The following SEMA6A variants were observed in gnomAD, a reference collection of about 807,000 sequenced individuals.
The protein encoded by SEMA6A is semaphorin 6A, also known as semaphorin-6A.
Under a neutral mutation model 96.8 loss-of-function variants are expected in SEMA6A, and 25 were observed. The observed-to-expected ratio is 0.26, with a 90% CI of 0.19 to 0.36. The LOEUF (loss-of-function observed/expected upper bound fraction) is 0.36. SEMA6A is among the 10% of genes least tolerant of loss of function. The probability of loss-of-function intolerance (pLI) is 1.00; values close to 1 mark genes in which losing one functional copy is unlikely to be tolerated. For missense variants in SEMA6A, 1,363 were observed against 1,323.1 expected, an observed-to-expected ratio of 1.03 and a Z score of -0.47; for synonymous variants, 612 against 518.0, an observed-to-expected ratio of 1.18 and a Z score of -2.46.
chr5:116,511,515 T>G (rs1421657440), intron 1 of SEMA6A, among the ~76,000 whole-genome samples: 1 of 152,108 alleles, frequency 6.6e-6, no homozygotes, highest in East Asian at 1.9e-4. Context: ...GAAGAAAGGT[T>G]GGAAAGAGAA....
intron 1 of SEMA6A, among the ~76,000 whole-genome samples, chr5:116,551,848 AC>A (rs1328744455): frequency 6.6e-6 from 1 of 152,190 alleles, no homozygotes; most frequent in Non-Finnish European, 1.5e-5. Flanking sequence ...CAATAATCCC[AC>A]TAAAGAATTA....
At chr5:116,458,404 T>C (rs2112614914) in intron 18 of SEMA6A, among the ~76,000 whole-genome samples, 1 of 152,086 alleles carries the variant, frequency 6.6e-6, no homozygotes, top group South Asian at 2.1e-4. Context: ...TGGGAGAGAA[T>C]GGAAAAAGAG....
chr5:116,563,242 C>T (rs1760890521), intron 1 of SEMA6A, among the ~76,000 whole-genome samples: 1 of 152,172 alleles, frequency 6.6e-6, no homozygotes, highest in South Asian at 2.1e-4. Context: ...GAAGGAATGG[C>T]CTCGAATCCA....
At chr5:116,488,814 TC>T in intron 8 of SEMA6A, 73 bp downstream of exon 8, 1 of 1,448,054 alleles carries the variant, frequency 6.9e-7, no homozygotes, top group Non-Finnish European at 9.2e-7. Flanking sequence ...GTCTGGTCCC[TC>T]CAGACTCTAA....
At chr5:116,487,070 T>TAAA in intron 9 of SEMA6A, 104 bp from the exon 10 acceptor site, 1 of 740,506 alleles carries the variant, frequency 1.4e-6, no homozygotes, top group South Asian at 1.8e-5. Context: ...AACAAGGTGC[T>TAAA]TAATACTGTT....
At chr5:116,551,014 C>T (rs537084095) in intron 1 of SEMA6A, among the ~76,000 whole-genome samples, 9 of 152,174 alleles carry the variant, frequency 5.9e-5, no homozygotes, top group Admixed American at 3.3e-4. Flanking sequence ...CGCTGGCATC[C>T]GTTAGCACAT....
intron 7 of SEMA6A, among the ~76,000 whole-genome samples, chr5:116,491,424 A>T (rs1757318091): frequency 6.7e-6 from 1 of 149,920 alleles, no homozygotes; most frequent in African/African-American, 2.5e-5. Context: ...TTTAAATTTA[A>T]TTTTTTTTTT....
chr5:116,473,385 G>A (rs957469016), intron 16 of SEMA6A, among the ~76,000 whole-genome samples: 9 of 152,184 alleles, frequency 5.9e-5, no homozygotes, highest in Admixed American at 3.3e-4. Flanking sequence ...AGGTGACTTC[G>A]AGAGTTTAAA....
intron 10 of SEMA6A, among the ~76,000 whole-genome samples, chr5:116,485,439 C>T (rs1364353317): frequency 6.6e-6 from 1 of 152,126 alleles, no homozygotes; most frequent in Non-Finnish European, 1.5e-5. Context: ...TTTTAAATAT[C>T]GTTTTTATCC....
chr5:116,497,481 C>A, intron 3 of SEMA6A, 94 bp from the exon 4 acceptor site: 1 of 686,616 alleles, frequency 1.5e-6, no homozygotes, highest in Non-Finnish European at 2.5e-6. Flanking sequence ...GGCAGATAAG[C>A]CCATATCCAT....
At chr5:116,553,540 T>TA (rs1479927695) in intron 1 of SEMA6A, among the ~76,000 whole-genome samples, 4 of 152,162 alleles carry the variant, frequency 2.6e-5, no homozygotes, top group Admixed American at 6.6e-5. Flanking sequence ...AGGAAGGCAT[T>TA]AGAGAAGGTC....
chr5:116,489,239 A>C (rs1757211414), intron 7 of SEMA6A, among the ~76,000 whole-genome samples: 1 of 152,114 alleles, frequency 6.6e-6, no homozygotes, highest in Non-Finnish European at 1.5e-5. Flanking sequence ...AATTTTTTTT[A>C]AGCGGCAGCA....
At chr5:116,573,718 C>T (rs937237604) in intron 1 of SEMA6A, among the ~76,000 whole-genome samples, 1 of 152,146 alleles carries the variant, frequency 6.6e-6, no homozygotes, top group Non-Finnish European at 1.5e-5. Context: ...TGGACGAAAA[C>T]AGCGCTGTTA....
At chr5:116,559,069 T>G (rs1400058223) in intron 1 of SEMA6A, among the ~76,000 whole-genome samples, 1 of 152,156 alleles carries the variant, frequency 6.6e-6, no homozygotes, top group Non-Finnish European at 1.5e-5. Context: ...TAACAGTGGT[T>G]TTTATAGATG....
chr5:116,481,438 A>C (rs1388086450), intron 11 of SEMA6A, among the ~76,000 whole-genome samples: 1 of 152,192 alleles, frequency 6.6e-6, no homozygotes, highest in Admixed American at 6.5e-5. Context: ...ACAGAATATC[A>C]ACATGCCAGA....
intron 5 of SEMA6A, 178 bp from the exon 6 acceptor site, chr5:116,495,692 A>T: frequency 1.8e-6 from 1 of 551,958 alleles, no homozygotes; most frequent in East Asian, 3.0e-5. Context: ...ATCAACGATT[A>T]CTCTTTCAAC....
chr5:116,498,490 C>T (rs1052758108), intron 3 of SEMA6A: 10 of 150,690 alleles, frequency 6.6e-5, no homozygotes, highest in East Asian at 6.0e-4. Context: ...GATAACAGGC[C>T]GACTCACGTG....
chr5:116,538,626 A>G (rs12513595), intron 1 of SEMA6A, among the ~76,000 whole-genome samples: 8 of 152,182 alleles, frequency 5.3e-5, no homozygotes, highest in African/African-American at 1.9e-4. Context: ...AAATTTTTTT[A>G]TCTGTCCTTA....
rs748663666 is a variant in SEMA6A at position 116,447,174 on chromosome 5, C to G, written c.2532G>C (p.Glu844Asp). The G allele has an allele frequency of 1.2e-6, 2 of 1,614,060 alleles. No individual in the cohort carries two copies. Among genetic ancestry groups the G allele is most frequent in the South Asian group, 1.1e-5 (1 of 91,086 alleles). Residue 844 changes from glutamate (E) to aspartate (D), a missense_variant, in exon 19 of 19, where the codon GAG becomes GAC. By Grantham distance (45) the Glu-to-Asp change is conservative (BLOSUM62 2). Transcript: ENST00000343348. ...KMSEVAQMAL[E>D]DQAATLEYKT... ...TATACTCCAGTGTGGCGGCCTGGTCCTCCAGCGCCATCTGGGCCACCTCGC... is the reference window on the plus strand; with the variant it reads ...TATACTCCAGTGTGGCGGCCTGGTCGTCCAGCGCCATCTGGGCCACCTCGC...
Sources: allele counts gnomAD v4.1 joint callset (sites outside exome capture counted in the v4.1 genomes callset), GRCh38; gene constraint gnomAD v4.1.1; transcripts MANE v1.5; gene names NCBI Gene and HGNC (gene_info 2026-07-23, HGNC 2026-07-21).